The following TNFAIP8L3 variants were observed in gnomAD, a reference collection of about 807,000 sequenced individuals.
TNFAIP8L3 encodes the protein TNF alpha induced protein 8 like 3, also known as tumor necrosis factor alpha-induced protein 8-like protein 3.
In TNFAIP8L3, 7 loss-of-function variants were observed where a neutral mutation model predicts 11.8. The ratio of observed to expected loss-of-function variants is 0.59; its 90% CI spans 0.34 to 1.11. The LOEUF (loss-of-function observed/expected upper bound fraction) is 1.11. Among genes scored for constraint, TNFAIP8L3 ranks in the 50% most tolerant of loss-of-function variants. The pLI, the probability that TNFAIP8L3 is intolerant of heterozygous loss-of-function variation, is 0.03. For synonymous variants in TNFAIP8L3, 98 were observed against 103.8 expected (o/e 0.94, Z 0.34); for missense variants, 219 against 258.6 (o/e 0.85, Z 1.05).
chr15:51,087,726 C>G (rs1230723849), intron 1 of TNFAIP8L3, among the ~76,000 whole-genome samples: 1 of 151,744 alleles, frequency 6.6e-6, no homozygotes, highest in Non-Finnish European at 1.5e-5. Flanking sequence ...TGCTGCCAAG[C>G]CTTCCATTTT....
intron 1 of TNFAIP8L3, among the ~76,000 whole-genome samples, chr15:51,088,071 C>A (rs986231386): frequency 6.6e-6 from 1 of 151,222 alleles, no homozygotes; most frequent in African/African-American, 2.4e-5. Flanking sequence ...GCCCAAACAT[C>A]CACCTACATA....
chr15:51,066,263 A>T (rs2065270923), intron 1 of TNFAIP8L3, among the ~76,000 whole-genome samples: 1 of 151,566 alleles, frequency 6.6e-6, no homozygotes, highest in Non-Finnish European at 1.5e-5. Context: ...CCTGGATTCA[A>T]GCGATTCTCC....
chr15:51,083,570 A>G (rs2065406850), intron 1 of TNFAIP8L3, among the ~76,000 whole-genome samples: 1 of 152,236 alleles, frequency 6.6e-6, no homozygotes, highest in Non-Finnish European at 1.5e-5. Flanking sequence ...GTTTCAAGAA[A>G]GCCAAGATGG....
chr15:51,087,937 A>C (rs2065441700), intron 1 of TNFAIP8L3, among the ~76,000 whole-genome samples: 1 of 139,838 alleles, frequency 7.2e-6, no homozygotes, highest in Non-Finnish European at 1.5e-5. Context: ...ATATATATAT[A>C]TATATGGGAA....
At chr15:51,101,347 C>T (rs1003404961) in intron 1 of TNFAIP8L3, among the ~76,000 whole-genome samples, 2 of 152,150 alleles carry the variant, frequency 1.3e-5, no homozygotes, top group Non-Finnish European at 2.9e-5. Context: ...TAGTGCGGGG[C>T]GTGGTGGCTC....
At chr15:51,080,388 A>G (rs2065382594) in intron 1 of TNFAIP8L3, among the ~76,000 whole-genome samples, 1 of 151,932 alleles carries the variant, frequency 6.6e-6, no homozygotes, top group South Asian at 2.1e-4. Context: ...AGGTTCAAAC[A>G]CATCAACTAA....
chr15:51,081,453 G>A (rs1471452685), intron 1 of TNFAIP8L3, among the ~76,000 whole-genome samples: 6 of 152,130 alleles, frequency 3.9e-5, no homozygotes, highest in Non-Finnish European at 7.3e-5. Context: ...TGAGAGAATG[G>A]ACTTGTCCTA....
intron 1 of TNFAIP8L3, among the ~76,000 whole-genome samples, chr15:51,101,398 G>C (rs963826009): frequency 1.9e-4 from 29 of 152,126 alleles, no homozygotes; most frequent in Admixed American, 6.5e-5. Flanking sequence ...AAGACAGGCG[G>C]ATCACCTGAG....
intron 1 of TNFAIP8L3, among the ~76,000 whole-genome samples, chr15:51,101,100 C>T (rs982036714): frequency 6.6e-6 from 1 of 152,234 alleles, no homozygotes; most frequent in African/African-American, 2.4e-5. Context: ...ATTGCTATAT[C>T]TCCTCTGTGA....
In TNFAIP8L3 at chr15:51,057,940, G is replaced by A; in HGVS notation, c.556C>T (p.Pro186Ser). Residue 186 changes from proline (P) to serine (S), a missense_variant, in exon 2 of 2, where the codon CCC becomes TCC. Physicochemically the swap from Pro to Ser is moderately conservative, Grantham distance 74. Transcript: ENST00000637513. Reference protein sequence around the residue: ...TLYSLDGDCRPNLKRICEGIN... With the variant: ...TLYSLDGDCRSNLKRICEGIN... ...CCTTCACAAATCCTCTTGAGGTTGG[G>A]CCTACAGTCTCCATCCAGACTATAG... 6.2e-7 allele frequency: 1 copy of A among 1,611,466 alleles called. No individual in the cohort carries two copies. The highest frequency in any genetic ancestry group is 1.3e-5 in the African/African-American group (1 of 74,872).
intron 1 of TNFAIP8L3, among the ~76,000 whole-genome samples, chr15:51,073,223 C>T (rs531935904): frequency 1.3e-5 from 2 of 152,010 alleles, no homozygotes; most frequent in Non-Finnish European, 2.9e-5. Flanking sequence ...CTCAAACTCC[C>T]GACCTCAGGT....
chr15:51,074,056 TCTA>T (rs1256079111), intron 1 of TNFAIP8L3, among the ~76,000 whole-genome samples: 1 of 152,250 alleles, frequency 6.6e-6, no homozygotes, highest in East Asian at 1.9e-4. Context: ...ACTGGTGAAT[TCTA>T]CTAGTAAATA....
intron 1 of TNFAIP8L3, among the ~76,000 whole-genome samples, chr15:51,082,649 G>GCA (rs1245801375): frequency 7.2e-5 from 11 of 151,952 alleles, no homozygotes; most frequent in Non-Finnish European, 1.0e-4. Context: ...GTAACACTTA[G>GCA]CTTAAAACAC....
Position 51,058,295 on chromosome 15 carries a change from G to C in TNFAIP8L3, c.201C>G (p.His67Gln). 1 of 1,614,070 alleles carries C rather than the reference G, an allele frequency of 6.2e-7. No individual in the cohort carries two copies. Among genetic ancestry groups the C allele is most frequent in the East Asian group, 2.2e-5 (1 of 44,874 alleles). Residue 67 changes from histidine (H) to glutamine (Q), a missense_variant, in exon 2 of 2, where the codon CAC (histidine) becomes CAG (glutamine). By Grantham distance (24) the His-to-Gln change is conservative. Coordinates refer to ENST00000637513, the MANE Select transcript of TNFAIP8L3 (RefSeq NM_001311175.2). ...FDELYKVTKE[H>Q]THNKKEAHKI... ...TGTGGGCTTCCTTCTTGTTGTGTGT[G>C]TGCTCTTTGGTGACTTTGTAGAGCT...
rs763442735 is a variant in TNFAIP8L3, at chr15:51,058,186, T to C, written c.310A>G (p.Ile104Val). ...NNQFSQEELV[I>V]VEKFRKKLNQ... ...AGCTTCTTCCGGAACTTCTCCACAATAACCAGCTCCTCTTGGCTAAACTGG... is the reference window on the plus strand; with the variant it reads ...AGCTTCTTCCGGAACTTCTCCACAACAACCAGCTCCTCTTGGCTAAACTGG... Residue 104 changes from isoleucine to valine, a missense_variant, in exon 2 of 2, where the codon ATT becomes GTT. Ile to Val is a conservative substitution (Grantham distance 29, BLOSUM62 3). Coordinates refer to ENST00000637513, the MANE Select transcript of TNFAIP8L3 (RefSeq NM_001311175.2). 1 of 1,614,246 alleles carries C rather than the reference T, an allele frequency of 6.2e-7. No individual in the cohort carries two copies. The highest frequency in any genetic ancestry group is 1.7e-5 in the Admixed American group (1 of 60,028).
chr15:51,084,912 G>A (rs2065416435), intron 1 of TNFAIP8L3, among the ~76,000 whole-genome samples: 4 of 152,162 alleles, frequency 2.6e-5, no homozygotes, highest in Admixed American at 2.6e-4. Context: ...CATCTTAAGG[G>A]ACATAGTTAG....
At chr15:51,076,881 C>T (rs1475203779) in intron 1 of TNFAIP8L3, among the ~76,000 whole-genome samples, 1 of 152,314 alleles carries the variant, frequency 6.6e-6, no homozygotes, top group South Asian at 2.1e-4. Context: ...ATAGTAACCC[C>T]TTAAGTATGA....
upstream of TNFAIP8L3, among the ~76,000 whole-genome samples, chr15:51,097,943 A>G (rs373759094): frequency 6.6e-6 from 1 of 152,206 alleles, no homozygotes; most frequent in Non-Finnish European, 1.5e-5. Context: ...ATCACTTTGC[A>G]GACTTGAATC....
At chr15:51,078,800 C>T (rs2065372717) in intron 1 of TNFAIP8L3, among the ~76,000 whole-genome samples, 1 of 152,090 alleles carries the variant, frequency 6.6e-6, no homozygotes, top group Non-Finnish European at 1.5e-5. Context: ...CCCTCACCTC[C>T]CATATCTAAC....
Sources: gnomAD v4.1 joint callset for allele counts (sites outside exome capture counted in the v4.1 genomes callset) on GRCh38, gnomAD v4.1.1 for gene constraint, MANE v1.5 for transcripts, NCBI Gene and HGNC (gene_info 2026-07-23, HGNC 2026-07-21) for gene names.